BNC2: variants seen among roughly 807,000 people sequenced by gnomAD.
BNC2 encodes the protein basonuclin zinc finger protein 2, also known as zinc finger protein basonuclin-2.
A neutral mutation model predicts 76.3 loss-of-function variants in BNC2; 20 were observed. That is an observed-to-expected ratio of 0.26 (90% CI 0.18 to 0.38). The LOEUF is 0.38. Among genes scored for constraint, BNC2 ranks in the 10% least tolerant of loss-of-function variants. The probability of loss-of-function intolerance (pLI) is 1.00; values close to 1 mark genes in which losing one functional copy is unlikely to be tolerated. For synonymous variants in BNC2, 582 were observed against 514.8 expected (o/e 1.13, Z -1.77); for missense variants, 1,382 against 1,399.8 (o/e 0.99, Z 0.20).
At chr9:16,724,459 C>T (rs1215246831) in intron 3 of BNC2, among the ~76,000 whole-genome samples, 3 of 152,018 alleles carry the variant, frequency 2.0e-5, no homozygotes, top group Non-Finnish European at 4.4e-5. Flanking sequence ...AAGAAGAACT[C>T]CCTTTACACA....
At chr9:16,845,635 G>A (rs57800465) in intron 1 of BNC2, among the ~76,000 whole-genome samples, 55 of 152,112 alleles carry the variant, frequency 3.6e-4, no homozygotes, top group African/African-American at 1.3e-3. Flanking sequence ...GCAGGAGAAT[G>A]GCGTGAACTT....
intron 1 of BNC2, among the ~76,000 whole-genome samples, chr9:16,777,352 TGAG>T (rs894742566): frequency 2.0e-5 from 3 of 152,074 alleles, no homozygotes; most frequent in Admixed American, 2.0e-4. Context: ...GTGAAAAACA[TGAG>T]GAGCAAATTT....
chr9:16,613,921 T>C (rs992916150), intron 3 of BNC2, among the ~76,000 whole-genome samples: 3 of 152,122 alleles, frequency 2.0e-5, no homozygotes, highest in Non-Finnish European at 4.4e-5. Flanking sequence ...ACAACTCGAT[T>C]ACAAAAGAAA....
intron 2 of BNC2, among the ~76,000 whole-genome samples, chr9:16,733,037 G>A (rs1824560647): frequency 6.6e-6 from 1 of 152,144 alleles, no homozygotes; most frequent in Admixed American, 6.5e-5. Flanking sequence ...AAATAATGCT[G>A]AAGATACAAA....
chr9:16,668,425 A>C (rs1340327893), intron 3 of BNC2, among the ~76,000 whole-genome samples: 1 of 152,210 alleles, frequency 6.6e-6, no homozygotes, highest in African/African-American at 2.4e-5. Context: ...CAATGCAGTC[A>C]TTGTCATTCT....
chr9:16,500,770 C>T (rs375121350), intron 5 of BNC2, among the ~76,000 whole-genome samples: 20 of 152,164 alleles, frequency 1.3e-4, no homozygotes, highest in African/African-American at 4.1e-4. Context: ...ATAGGACACA[C>T]CCATCACTCT....
intron 1 of BNC2, among the ~76,000 whole-genome samples, chr9:16,813,397 C>T (rs1818103573): frequency 6.6e-6 from 1 of 151,508 alleles, no homozygotes; most frequent in African/African-American, 2.4e-5. Context: ...TCCCGAGTAG[C>T]TGGGACTACA....
intron 3 of BNC2, among the ~76,000 whole-genome samples, chr9:16,674,724 A>G (rs1822584582): frequency 6.6e-6 from 1 of 152,216 alleles, no homozygotes; most frequent in South Asian, 2.1e-4. Flanking sequence ...TATAAGATGT[A>G]AACATAGTAC....
At chr9:16,544,332 G>C (rs1271476217) in intron 5 of BNC2, among the ~76,000 whole-genome samples, 21 of 152,064 alleles carry the variant, frequency 1.4e-4, no homozygotes, top group Admixed American at 1.4e-3. Flanking sequence ...TGTGAGGTCA[G>C]ATAATACCTA....
intron 3 of BNC2, among the ~76,000 whole-genome samples, chr9:16,616,310 T>G (rs894581794): frequency 1.3e-5 from 2 of 151,482 alleles, no homozygotes; most frequent in Non-Finnish European, 2.9e-5. Context: ...CAGGATTGCT[T>G]GAGCCTCGGA....
chr9:16,733,799 G>A (rs1001827291), intron 2 of BNC2, among the ~76,000 whole-genome samples: 6 of 151,682 alleles, frequency 4.0e-5, no homozygotes, highest in Non-Finnish European at 7.4e-5. Flanking sequence ...CAAAAGAATC[G>A]CTTGAACTTG....
At chr9:16,535,265 C>A (rs1271689642) in intron 5 of BNC2, among the ~76,000 whole-genome samples, 1 of 152,170 alleles carries the variant, frequency 6.6e-6, no homozygotes, top group African/African-American at 2.4e-5. Context: ...AAAGAAAGCA[C>A]TGGCGTAATT....
rs76814594 is a variant in BNC2 at position 16,416,975 on chromosome 9, G to A, written c.*2014C>T. 0.019 allele frequency: 2,944 copies of A among 152,610 alleles called. 59 individuals are homozygous for A. Among genetic ancestry groups the A allele is most frequent in the Non-Finnish European group, 0.023 (1,584 of 67,996 alleles). The allele number at this position is 152,610 out of a possible 1,614,324, so 9.5% of individuals were successfully genotyped here. On this transcript the variant is annotated 3_prime_UTR_variant, in exon 7 of 7. Coordinates refer to ENST00000380672, the MANE Select transcript of BNC2 (RefSeq NM_017637.6). ...AAATAATTACAAAAACATGAAAAAT[G>A]GAAACGACATAAAAGTTAAAATAAA...
At chr9:16,778,168 G>C (rs539198635) in intron 1 of BNC2, among the ~76,000 whole-genome samples, 5 of 151,984 alleles carry the variant, frequency 3.3e-5, no homozygotes, top group Non-Finnish European at 5.9e-5. Context: ...TCATAATGAG[G>C]AAACTGTAAA....
chr9:16,460,162 A>G (rs1821543820), intron 5 of BNC2, among the ~76,000 whole-genome samples: 1 of 152,230 alleles, frequency 6.6e-6, no homozygotes, highest in Non-Finnish European at 1.5e-5. Flanking sequence ...CAGCAAGACA[A>G]CAAGAGCAAT....
At chr9:16,552,381 C>G in intron 5 of BNC2, 149 bp downstream of exon 5, 1 of 730,272 alleles carries the variant, frequency 1.4e-6, no homozygotes, top group Non-Finnish European at 2.4e-6. Flanking sequence ...TTGTCTCTCT[C>G]CTTTCCCCTT....
intron 3 of BNC2, among the ~76,000 whole-genome samples, chr9:16,702,196 C>A (rs555665372): frequency 3.3e-5 from 5 of 152,048 alleles, no homozygotes; most frequent in African/African-American, 1.2e-4. Context: ...TGTAAACACT[C>A]GAAGCTTTAG....
chr9:16,752,114 T>G (rs1825235091), intron 1 of BNC2, among the ~76,000 whole-genome samples: 1 of 152,190 alleles, frequency 6.6e-6, no homozygotes, highest in African/African-American at 2.4e-5. Context: ...GTTCTAATAA[T>G]TTCTTTTAAG....
Position 16,698,505 on chromosome 9 carries a change from A to C in BNC2, c.330+29292T>G, listed in dbSNP as rs145540403. 1.1e-3 allele frequency among the ~76,000 whole-genome samples: 160 copies of C among 152,304 alleles called. 4 individuals carry two copies. The East Asian group carries it at 0.029, about 28-fold the overall frequency. Reference sequence around the variant, plus strand: ...CAGGAGTTAGAGATCAGCCTGACCAACATGGAGAAACCCCATCTCTACTAA... The same window carrying C: ...CAGGAGTTAGAGATCAGCCTGACCACCATGGAGAAACCCCATCTCTACTAA... On this transcript the variant is annotated intron_variant, in intron 3 of 6. Coordinates refer to ENST00000380672, the MANE Select transcript of BNC2 (RefSeq NM_017637.6).
Sources: gnomAD v4.1 joint callset for allele counts (sites outside exome capture counted in the v4.1 genomes callset) on GRCh38, gnomAD v4.1.1 for gene constraint, MANE v1.5 for transcripts, NCBI Gene and HGNC (gene_info 2026-07-23, HGNC 2026-07-21) for gene names.